Variants in CNKSR3 observed in about 807,000 individuals in gnomAD.
The protein encoded by CNKSR3 is connector enhancer of kinase suppressor of ras 3.
A neutral mutation model predicts 67.7 loss-of-function variants in CNKSR3; 36 were observed. The observed-to-expected ratio is 0.53, with a 90% CI of 0.41 to 0.70. The LOEUF is 0.70. Among genes scored for constraint, CNKSR3 ranks in the 30% least tolerant of loss-of-function variants. The pLI is 0.00. For synonymous variants in CNKSR3, 281 were observed against 271.4 expected (o/e 1.04, Z -0.35); for missense variants, 630 against 695.2 (o/e 0.91, Z 1.05).
intron 1 of CNKSR3, among the ~76,000 whole-genome samples, chr6:154,492,881 T>A (rs1177965430): frequency 1.3e-5 from 2 of 151,990 alleles, no homozygotes; most frequent in East Asian, 1.9e-4. Flanking sequence ...CCTCTCACAC[T>A]CAAATTCAAT....
intron 1 of CNKSR3, among the ~76,000 whole-genome samples, chr6:154,506,846 A>C (rs1787114226): frequency 6.6e-6 from 1 of 152,272 alleles, no homozygotes; most frequent in Non-Finnish European, 1.5e-5. Context: ...GATAGAGAAT[A>C]ACACAGACAT....
At chr6:154,477,625 C>T (rs1786481401) in intron 1 of CNKSR3, among the ~76,000 whole-genome samples, 1 of 152,068 alleles carries the variant, frequency 6.6e-6, no homozygotes, top group Non-Finnish European at 1.5e-5. Context: ...CTGGCTGCTT[C>T]TCTGTAATTT....
chr6:154,421,738 C>A (rs1261257788), intron 9 of CNKSR3, among the ~76,000 whole-genome samples: 1 of 152,218 alleles, frequency 6.6e-6, no homozygotes, highest in Non-Finnish European at 1.5e-5. Context: ...CCCCAACCCT[C>A]CCCTGGTAAA....
At position 154,395,438 on chromosome 6, in the gene CNKSR3, T is replaced by C. The variant is rs1242189065; in HGVS notation, c.*10916A>G. 3.3e-5 allele frequency: 5 copies of C among 152,224 alleles called. No individual in the cohort carries two copies. Among genetic ancestry groups the C allele is most frequent in the Admixed American group, 3.3e-4 (5 of 15,286 alleles). The allele number at this position is 152,224 out of a possible 1,614,324, so 9.4% of individuals were successfully genotyped here. On this transcript the variant is annotated 3_prime_UTR_variant, in exon 13 of 13. Transcript: ENST00000607772. Reference sequence around the variant, plus strand: ...TTTTCTTTGTTGAACTGCATCATAATTGAGTATCTCCTGCTACTTGTTATC... The same window carrying C: ...TTTTCTTTGTTGAACTGCATCATAACTGAGTATCTCCTGCTACTTGTTATC...
At chr6:154,433,569 T>C in intron 4 of CNKSR3, 62 bp from the exon 5 acceptor site, 1 of 1,276,790 alleles carries the variant, frequency 7.8e-7, no homozygotes, top group Non-Finnish European at 1.1e-6. Flanking sequence ...TCAGAACTGT[T>C]GGCCTAGCTT....
At chr6:154,440,987 C>T (rs561488219) in intron 4 of CNKSR3, among the ~76,000 whole-genome samples, 1 of 150,668 alleles carries the variant, frequency 6.6e-6, no homozygotes, top group Admixed American at 6.6e-5. Context: ...CCAGAATTTT[C>T]ATTAAAAAAA....
At chr6:154,425,768 A>T (rs149284378) in intron 7 of CNKSR3, among the ~76,000 whole-genome samples, 368 of 33,538 alleles carry the variant, frequency 0.011, 2 homozygotes, top group Non-Finnish European at 0.014. Flanking sequence ...CAAGTCCAAG[A>T]TTGAAGAATA....
At chr6:154,495,690 T>G (rs1414889139) in intron 1 of CNKSR3, among the ~76,000 whole-genome samples, 1 of 152,106 alleles carries the variant, frequency 6.6e-6, no homozygotes, top group Admixed American at 6.6e-5. Context: ...ACATTTCTAA[T>G]GATATGGCCA....
intron 7 of CNKSR3, among the ~76,000 whole-genome samples, chr6:154,425,445 C>A (rs547076548): frequency 6.6e-6 from 1 of 152,302 alleles, no homozygotes; most frequent in South Asian, 2.1e-4. Flanking sequence ...CTGCCCAGGG[C>A]AGTAGCTCTT....
rs1784692536 is a variant in CNKSR3, at chr6:154,399,327, T to A, written c.*7027A>T. On this transcript the variant is annotated 3_prime_UTR_variant, in exon 13 of 13. Coordinates refer to ENST00000607772, the MANE Select transcript of CNKSR3 (RefSeq NM_173515.4). ...GAGGCTGAGATGGAGTCAGTACTGC[T>A]ACTACAGGAACACGAGTCAACATCT... 1 of 152,208 alleles carries A rather than the reference T, an allele frequency of 6.6e-6. No homozygotes were observed. Among genetic ancestry groups the A allele is most frequent in the Non-Finnish European group, 1.5e-5 (1 of 68,034 alleles). The allele number at this position is 152,208 out of a possible 1,614,324, so 9.4% of individuals were successfully genotyped here. A position where few individuals can be genotyped will look rare whatever the true frequency, so the allele number is the denominator to read the frequency against.
In CNKSR3 at chr6:154,415,227, C is replaced by CTTTTTTTTTTTTTTTTTTTTTTTTTT. The variant is rs773533317; in HGVS notation, c.946-805_946-804insAAAAAAAAAAAAAAAAAAAAAAAAAA. Among the ~76,000 whole-genome samples the CTTTTTTTTTTTTTTTTTTTTTTTTTT allele has an allele frequency of 4.1e-4, 46 of 112,776 alleles. 5 individuals carry two copies. Among genetic ancestry groups the CTTTTTTTTTTTTTTTTTTTTTTTTTT allele is most frequent in the Non-Finnish European group, 5.7e-4 (33 of 57,590 alleles). The allele number at this position is 112,776 out of a possible 152,430, so 74.0% of individuals were successfully genotyped here. A position where few individuals can be genotyped will look rare whatever the true frequency, so the allele number is the denominator to read the frequency against. On this transcript the variant is annotated intron_variant, in intron 9 of 12. Coordinates refer to ENST00000607772, the MANE Select transcript of CNKSR3 (RefSeq NM_173515.4). ...ATCCTGGCTAGACTTACTAGCTGCC[C>CTTTTTTTTTTTTTTTTTTTTTTTTTT]ATTTTTTTTTTTTTTTTTTTTAAGA...
At chr6:154,412,633 T>C (rs1784932862) in intron 10 of CNKSR3, among the ~76,000 whole-genome samples, 1 of 152,168 alleles carries the variant, frequency 6.6e-6, no homozygotes, top group Non-Finnish European at 1.5e-5. Context: ...AGGTACATTC[T>C]CTACACGCTA....
intron 1 of CNKSR3, among the ~76,000 whole-genome samples, chr6:154,463,705 C>T (rs1486761359): frequency 1.3e-5 from 2 of 152,150 alleles, no homozygotes. Context: ...AGGGTCCTCT[C>T]ATCTTACAGA....
intron 10 of CNKSR3, among the ~76,000 whole-genome samples, chr6:154,413,738 T>C (rs1784956241): frequency 6.6e-6 from 1 of 151,942 alleles, no homozygotes; most frequent in Non-Finnish European, 1.5e-5. Flanking sequence ...AAAAGTAAGG[T>C]ATTGCTATAT....
At position 154,430,601 on chromosome 6, in the gene CNKSR3, G is replaced by A; in HGVS notation, c.550-10C>T. 6.2e-7 allele frequency: 1 copy of A among 1,601,492 alleles called. No individual in the cohort carries two copies. Among genetic ancestry groups the A allele is most frequent in the Non-Finnish European group, 8.5e-7 (1 of 1,176,388 alleles). ...CATTTAAAACCTTGACCTAGAATTG[G>A]AGAAGCAAATAGTCAGGAAAGTTCA... On this transcript the variant is annotated splice_polypyrimidine_tract_variant and intron_variant, in intron 5 of 12. Transcript: ENST00000607772.
intron 1 of CNKSR3, among the ~76,000 whole-genome samples, chr6:154,482,426 G>A (rs1786583668): frequency 6.6e-6 from 1 of 152,116 alleles, no homozygotes; most frequent in Non-Finnish European, 1.5e-5. Flanking sequence ...ACACCTTTCT[G>A]TTCCTAAGAG....
At chr6:154,509,110 A>G (rs536168756) in intron 1 of CNKSR3, among the ~76,000 whole-genome samples, 1 of 152,160 alleles carries the variant, frequency 6.6e-6, no homozygotes, top group African/African-American at 2.4e-5. Context: ...ACAAATAGTA[A>G]CTTGAAACAG....
At chr6:154,493,148 C>G (rs11155978) in intron 1 of CNKSR3, among the ~76,000 whole-genome samples, 20,282 of 152,158 alleles carry the variant, frequency 0.13, 1,487 homozygotes, top group East Asian at 0.18. Context: ...CCCTTGGTCA[C>G]GATGCCTCAG....
chr6:154,506,136 A>G (rs1471739083), intron 1 of CNKSR3, among the ~76,000 whole-genome samples: 2 of 152,160 alleles, frequency 1.3e-5, no homozygotes, highest in Non-Finnish European at 2.9e-5. Flanking sequence ...AAATCAGTGC[A>G]TGTAAATCCC....
Sources: allele counts gnomAD v4.1 joint callset (sites outside exome capture counted in the v4.1 genomes callset), GRCh38; gene constraint gnomAD v4.1.1; transcripts MANE v1.5; gene names NCBI Gene and HGNC (gene_info 2026-07-23, HGNC 2026-07-21).